PI4KA: variants seen among roughly 807,000 people sequenced by gnomAD.
PI4KA encodes the protein PI4-kinase alpha.
A neutral mutation model predicts 271.4 loss-of-function variants in PI4KA; 122 were observed. That is an observed-to-expected ratio of 0.45 (90% CI 0.39 to 0.52). PI4KA has a LOEUF of 0.52. Ranked by LOEUF, PI4KA falls within the 20% of genes least tolerant of loss-of-function variation. PI4KA has a pLI of 0.00. For synonymous variants in PI4KA, 1,041 were observed against 1,078.8 expected (o/e 0.96, Z 0.69); for missense variants, 1,969 against 2,769.1 (o/e 0.71, Z 6.48).
chr22:20,850,733 G>A (rs953185097), intron 1 of PI4KA, among the ~76,000 whole-genome samples: 31 of 151,858 alleles, frequency 2.0e-4, no homozygotes, highest in Non-Finnish European at 3.2e-4. Context: ...CACCGCGCCC[G>A]GCCTACTAAA....
chr22:20,828,925 C>T lies in PI4KA; in HGVS notation c.368-4511G>A, dbSNP rs534024446. On this transcript the variant is annotated intron_variant, in intron 3 of 54. Transcript: ENST00000255882. ...TCTTCTGTATCTATTAAGATAATCACATGGTTTTTGTTTTTAGTTCTGTTT... is the reference window on the plus strand; with the variant it reads ...TCTTCTGTATCTATTAAGATAATCATATGGTTTTTGTTTTTAGTTCTGTTT... 4.6e-5 allele frequency among the ~76,000 whole-genome samples: 7 copies of T among 152,278 alleles called. No individual in the cohort carries two copies. The South Asian group carries it at 1.5e-3, about 32-fold the overall frequency.
rs1935124649 is a variant in PI4KA at position 20,798,754 on chromosome 22, TAGAG to T, written c.2005-71_2005-68del. 4.8e-6 allele frequency: 5 copies of T among 1,031,598 alleles called. No individual in the cohort carries two copies. The South Asian group carries it at 6.3e-5, about 13-fold the overall frequency. 63.9% of individuals were successfully genotyped at this position (1,031,598 alleles called of 1,614,324 possible). On this transcript the variant is annotated intron_variant, in intron 16 of 54. Transcript: ENST00000255882. ...TCATGAGGCCCCTCCTGTCATCACC[TAGAG>T]AGAAAGCTCTGGAATCCTGGGGCAC...
chr22:20,805,832 C>CAAAAAAAAA (rs362153), intron 10 of PI4KA, among the ~76,000 whole-genome samples: 1 of 105,286 alleles, frequency 9.5e-6, no homozygotes, highest in Non-Finnish European at 2.0e-5. Context: ...ACTCCCATCT[C>CAAAAAAAAA]AAAAAAAAAA....
chr22:20,858,678 GCCGCCTCCGCCTCCGCCT>G lies in PI4KA; in HGVS notation c.30_47del (p.Gly13_Gly18del). 6.8e-6 allele frequency: 10 copies of G among 1,470,874 alleles called. No homozygotes were observed. The highest frequency in any genetic ancestry group is 2.6e-5 in the South Asian group (2 of 77,568). The allele number at this position is 1,470,874 out of a possible 1,614,324, so 91.1% of individuals were successfully genotyped here. A position where few individuals can be genotyped will look rare whatever the true frequency, so the allele number is the denominator to read the frequency against. On this transcript the variant is annotated inframe_deletion, in exon 1 of 55. Coordinates refer to ENST00000255882, the MANE Select transcript of PI4KA (RefSeq NM_058004.4). ...TGGAGCCGGAGCCGGAGCAGCCGCCGCCGCCTCCGCCTCCGCCTCCGCCTCCCCGGGCCGGGGCCGCCG... is the reference window on the plus strand; with the variant it reads ...TGGAGCCGGAGCCGGAGCAGCCGCCGCCGCCTCCCCGGGCCGGGGCCGCCG...
chr22:20,848,237 CAAAAAAAAAAAA>C (rs60503165), intron 1 of PI4KA, among the ~76,000 whole-genome samples: 2 of 51,226 alleles, frequency 3.9e-5, no homozygotes, highest in Non-Finnish European at 7.8e-5. Flanking sequence ...GACTCCATCT[CAAAAAAAAAAAA>C]AAAAAAAAAA....
chr22:20,849,320 T>C (rs1926664129), intron 1 of PI4KA, among the ~76,000 whole-genome samples: 1 of 152,208 alleles, frequency 6.6e-6, no homozygotes, highest in Admixed American at 6.5e-5. Flanking sequence ...AGTTATTGTA[T>C]GGCCCAGCAA....
intron 45 of PI4KA, 85 bp downstream of exon 45, chr22:20,717,623 T>G (rs930614305): frequency 1.3e-5 from 16 of 1,187,366 alleles, no homozygotes; most frequent in Non-Finnish European, 2.0e-5. Context: ...CATCCTGCAG[T>G]GCCTGGAGAG....
chr22:20,820,988 C>T (rs1922586807), intron 4 of PI4KA, among the ~76,000 whole-genome samples: 1 of 152,202 alleles, frequency 6.6e-6, no homozygotes. Context: ...ATCATAAATC[C>T]TTTGTAATGC....
intron 1 of PI4KA, among the ~76,000 whole-genome samples, chr22:20,854,077 GCACATAC>G (rs1195511748): frequency 5.3e-5 from 8 of 152,028 alleles, no homozygotes; most frequent in African/African-American, 1.9e-4. Flanking sequence ...CTGGGGCCTA[GCACATAC>G]CAAGGAGCAG....
At chr22:20,822,094 C>T (rs569245540) in intron 4 of PI4KA, among the ~76,000 whole-genome samples, 1 of 152,244 alleles carries the variant, frequency 6.6e-6, no homozygotes, top group African/African-American at 2.4e-5. Context: ...GAGCCAAGAA[C>T]AGTGCAGGGG....
chr22:20,846,095 T>TA (rs1009321995), intron 1 of PI4KA, among the ~76,000 whole-genome samples: 33 of 149,124 alleles, frequency 2.2e-4, no homozygotes, highest in Middle Eastern at 3.4e-3. Flanking sequence ...CTGCCTCTAC[T>TA]AAAAAAAAAT....
Position 20,718,774 on chromosome 22 carries a change from G to C in PI4KA, c.5165C>G (p.Ser1722Cys). 6 of 1,614,022 alleles carry C rather than the reference G, an allele frequency of 3.7e-6. No individual in the cohort carries two copies. The highest frequency in any genetic ancestry group is 5.1e-6 in the Non-Finnish European group (6 of 1,179,956). Residue 1722 changes from serine to cysteine, a missense_variant, in exon 44 of 55, where the codon TCC becomes TGC. Ser to Cys is a moderately radical substitution (Grantham distance 112, BLOSUM62 -1). Transcript: ENST00000255882. The part of the protein sequence containing the change: ...LDQLVEEITG[S>C]LSGPAKDFYQ... ...AAAGTCCTTCGCTGGGCCGGACAAG[G>C]AGCCTGTGATCTCCTCTACCAACTG...
intron 17 of PI4KA, 124 bp downstream of exon 17, chr22:20,798,460 C>G (rs887096208): frequency 5.4e-6 from 4 of 736,212 alleles, no homozygotes; most frequent in Non-Finnish European, 9.8e-6. Flanking sequence ...TATGTGTGCA[C>G]TGATCTGTAG....
At chr22:20,751,536 C>T in intron 26 of PI4KA, 138 bp downstream of exon 26, 1 of 943,540 alleles carries the variant, frequency 1.1e-6, no homozygotes, top group South Asian at 1.5e-5. Context: ...CCCCCTCACC[C>T]CCAACTCGAC....
chr22:20,786,360 G>A (rs902302289), intron 19 of PI4KA, among the ~76,000 whole-genome samples: 1 of 152,172 alleles, frequency 6.6e-6, no homozygotes, highest in Middle Eastern at 3.2e-3. Flanking sequence ...CTGGGCAGGG[G>A]GGATCCCAAG....
intron 26 of PI4KA, 146 bp downstream of exon 26, chr22:20,751,528 C>T (rs1182273057): frequency 3.2e-6 from 3 of 931,634 alleles, no homozygotes; most frequent in South Asian, 1.5e-5. Flanking sequence ...GATTTGGGCC[C>T]CCTCACCCCC....
intron 19 of PI4KA, among the ~76,000 whole-genome samples, chr22:20,788,975 C>G (rs1000101665): frequency 6.6e-6 from 1 of 152,216 alleles, no homozygotes; most frequent in African/African-American, 2.4e-5. Context: ...CCAGCGCCCT[C>G]TCTGCTACAG....
chr22:20,858,316 C>G (rs918219329), intron 1 of PI4KA, among the ~76,000 whole-genome samples: 2 of 151,878 alleles, frequency 1.3e-5, no homozygotes, highest in Non-Finnish European at 2.9e-5. Flanking sequence ...ACATCCCCCA[C>G]CCCCATCCCA....
At chr22:20,822,301 C>G (rs1356430757) in intron 4 of PI4KA, among the ~76,000 whole-genome samples, 1 of 152,188 alleles carries the variant, frequency 6.6e-6, no homozygotes, top group Non-Finnish European at 1.5e-5. Context: ...CCTGCCTCAG[C>G]CTCCCAGAAT....
Sources: allele counts gnomAD v4.1 joint callset (sites outside exome capture counted in the v4.1 genomes callset), GRCh38; gene constraint gnomAD v4.1.1; transcripts MANE v1.5; gene names NCBI Gene and HGNC (gene_info 2026-07-23, HGNC 2026-07-21).